The following SSUH2 variants were observed in gnomAD, a reference collection of about 807,000 sequenced individuals.
SSUH2 encodes the protein protein SSUH2 homolog.
Under a neutral mutation model 55.3 loss-of-function variants are expected in SSUH2, and 47 were observed. The ratio of observed to expected loss-of-function variants is 0.85; its 90% CI spans 0.67 to 1.08. The LOEUF (loss-of-function observed/expected upper bound fraction) is 1.08. Ranked by LOEUF, SSUH2 falls within the 50% of genes least tolerant of loss-of-function variation. SSUH2 has a pLI of 0.00. For missense variants in SSUH2, 535 were observed against 490.7 expected, an observed-to-expected ratio of 1.09 and a Z score of -0.85; for synonymous variants, 212 against 191.5, an observed-to-expected ratio of 1.11 and a Z score of -0.89.
At chr3:8,650,297 C>T (rs1341227679) in intron 7 of SSUH2, among the ~76,000 whole-genome samples, 1 of 152,182 alleles carries the variant, frequency 6.6e-6, no homozygotes, top group African/African-American at 2.4e-5. Flanking sequence ...TTGTTCAACA[C>T]CTGTCATAAT....
At chr3:8,673,942 T>C (rs147543124) in intron 3 of SSUH2, among the ~76,000 whole-genome samples, 1 of 152,284 alleles carries the variant, frequency 6.6e-6, no homozygotes, top group Non-Finnish European at 1.5e-5. Flanking sequence ...AAGGTATGTA[T>C]ACTCCCCTTG....
intron 7 of SSUH2, 58 bp from the exon 8 acceptor site, chr3:8,627,841 C>A: frequency 6.7e-7 from 1 of 1,498,764 alleles, no homozygotes; most frequent in Non-Finnish European, 9.1e-7. Context: ...GGGCCAACGG[C>A]ATCCCAAGAC....
chr3:8,649,526 T>A (rs963960342), upstream of SSUH2, among the ~76,000 whole-genome samples: 3 of 152,142 alleles, frequency 2.0e-5, no homozygotes, highest in African/African-American at 7.2e-5. Context: ...CTCCTCTATC[T>A]GGCTGGGACA....
chr3:8,635,651 C>T, intron 2 of SSUH2, 108 bp downstream of exon 2: 1 of 1,115,242 alleles, frequency 9.0e-7, no homozygotes. Flanking sequence ...CCAGGGCCCC[C>T]CCAGGGAAAG....
intron 5 of SSUH2, among the ~76,000 whole-genome samples, chr3:8,669,506 T>C (rs906499616): frequency 2.0e-5 from 3 of 152,062 alleles, no homozygotes; most frequent in African/African-American, 4.8e-5. Flanking sequence ...TGACAAGATA[T>C]AGGATACTAA....
intron 3 of SSUH2, 126 bp from the exon 4 acceptor site, chr3:8,633,921 T>C: frequency 1.2e-6 from 2 of 1,613,892 alleles, no homozygotes; most frequent in Non-Finnish European, 1.7e-6. Context: ...CCCTCAGCAG[T>C]CCAACTGGGG....
At chr3:8,649,333 G>A (rs1352176136), upstream of SSUH2, among the ~76,000 whole-genome samples, 1 of 152,276 alleles carries the variant, frequency 6.6e-6, no homozygotes, top group South Asian at 2.1e-4. Flanking sequence ...CAGGTCCCAG[G>A]AGCGGGCAAG....
intron 7 of SSUH2, among the ~76,000 whole-genome samples, chr3:8,657,048 T>G (rs1703007774): frequency 6.6e-6 from 1 of 152,076 alleles, no homozygotes; most frequent in Non-Finnish European, 1.5e-5. Context: ...ACCCGGCCAA[T>G]TTTTGTATTT....
chr3:8,656,076 A>G (rs906544838), intron 7 of SSUH2, among the ~76,000 whole-genome samples: 10 of 152,226 alleles, frequency 6.6e-5, no homozygotes, highest in African/African-American at 2.2e-4. Context: ...CACTTCAACA[A>G]TAACCAAGGA....
intron 1 of SSUH2, among the ~76,000 whole-genome samples, chr3:8,642,246 C>T (rs767780458): frequency 1.8e-4 from 27 of 152,140 alleles, no homozygotes; most frequent in Non-Finnish European, 3.4e-4. Flanking sequence ...TTTTCTCTTC[C>T]GCTCTGTGCT....
At position 8,679,280 on chromosome 3, in the gene SSUH2, C is replaced by T. The variant is rs1402192413; in HGVS notation, c.-901+425G>A. Among the ~76,000 whole-genome samples the T allele has an allele frequency of 1.7e-4, 13 of 76,364 alleles. 3 individuals carry two copies. Among genetic ancestry groups the T allele is most frequent in the Non-Finnish European group, 1.2e-4 (4 of 33,716 alleles). The allele number at this position is 76,364 out of a possible 152,430, so 50.1% of individuals were successfully genotyped here. A position where few individuals can be genotyped will look rare whatever the true frequency, so the allele number is the denominator to read the frequency against. On this transcript the variant is annotated intron_variant, in intron 2 of 18. Coordinates refer to the SSUH2 transcript ENST00000317371. ...TCCCCCTGGCTTTTAGGACCCCCATCGGAGGGGGGGAGCCACCCCCCATGA... is the reference window on the plus strand; with the variant it reads ...TCCCCCTGGCTTTTAGGACCCCCATTGGAGGGGGGGAGCCACCCCCCATGA...
At chr3:8,636,466 G>A (rs1216600132) in intron 1 of SSUH2, among the ~76,000 whole-genome samples, 3 of 152,140 alleles carry the variant, frequency 2.0e-5, no homozygotes, top group Admixed American at 6.5e-5. Flanking sequence ...AACACCACGT[G>A]GAGCAGAAGA....
rs368994095 is a variant in SSUH2 at position 8,619,833 on chromosome 3, C to A, written c.*35G>T. On this transcript the variant is annotated 3_prime_UTR_variant, in exon 12 of 12. Coordinates refer to ENST00000544814, the MANE Select transcript of SSUH2 (RefSeq NM_001256748.3). Reference sequence around the variant, plus strand: ...AGTGTCGGCCATCTTCCTTGGCAAACGTGAATGGCAGGCTCTGGGGACAGC... The same window carrying A: ...AGTGTCGGCCATCTTCCTTGGCAAAAGTGAATGGCAGGCTCTGGGGACAGC... The A allele has an allele frequency of 1.2e-6, 2 of 1,603,640 alleles. No homozygotes were observed. Among genetic ancestry groups the A allele is most frequent in the South Asian group, 1.1e-5 (1 of 89,238 alleles).
chr3:8,623,472 CCGA>C (rs1263353621), intron 11 of SSUH2, 74 bp downstream of exon 11: 1 of 917,532 alleles, frequency 1.1e-6, no homozygotes, highest in Non-Finnish European at 1.7e-6. Flanking sequence ...TCCTTCCGCT[CCGA>C]CGTTCTCAGG....
At chr3:8,663,667 A>G (rs1703713210) in intron 6 of SSUH2, 1 of 368,966 alleles carries the variant, frequency 2.7e-6, no homozygotes, top group South Asian at 2.0e-5. Context: ...GGGTGCTAGG[A>G]ATGTGTTAAT....
chr3:8,626,878 C>G (rs539471719), intron 8 of SSUH2: 1 of 152,516 alleles, frequency 6.6e-6, no homozygotes, highest in East Asian at 1.9e-4. Flanking sequence ...GGGCCTGAAG[C>G]CATCCCTGAA....
chr3:8,669,669 G>A (rs73127068), intron 5 of SSUH2, among the ~76,000 whole-genome samples: 1,850 of 152,290 alleles, frequency 0.012, 33 homozygotes, highest in African/African-American at 0.04. Context: ...GCACATACCC[G>A]CAGTATTTTG....
At chr3:8,634,854 T>G (rs1354766760) in intron 3 of SSUH2, among the ~76,000 whole-genome samples, 1 of 152,172 alleles carries the variant, frequency 6.6e-6, no homozygotes, top group Admixed American at 6.5e-5. Flanking sequence ...ATATGGGCCT[T>G]TCCGCGGATC....
rs113120342 is a variant in SSUH2, at chr3:8,655,590, TC to T, written c.-307+3334del. On this transcript the variant is annotated intron_variant, in intron 7 of 18. Coordinates refer to the SSUH2 transcript ENST00000317371. Reference sequence around the variant, plus strand: ...AGTGGGTCATTCTTGCCCCCATTAGTCCCCACAACCTCTATCTATTTCATCC... The same window carrying T: ...AGTGGGTCATTCTTGCCCCCATTAGTCCCACAACCTCTATCTATTTCATCC... Among the ~76,000 whole-genome samples the T allele has an allele frequency of 4.8e-3, 732 of 152,140 alleles. 6 individuals carry two copies. Among genetic ancestry groups the T allele is most frequent in the African/African-American group, 0.017 (691 of 41,450 alleles).
Sources: gnomAD v4.1 joint callset for allele counts (sites outside exome capture counted in the v4.1 genomes callset) on GRCh38, gnomAD v4.1.1 for gene constraint, MANE v1.5 for transcripts, NCBI Gene and HGNC (gene_info 2026-07-23, HGNC 2026-07-21) for gene names.